PIKFYVE: variants seen among roughly 807,000 people sequenced by gnomAD.
PIKFYVE encodes 1-phosphatidylinositol 3-phosphate 5-kinase.
In PIKFYVE, 122 loss-of-function variants were observed where a neutral mutation model predicts 257.9. The observed-to-expected ratio is 0.47, with a 90% CI of 0.41 to 0.55. The LOEUF (loss-of-function observed/expected upper bound fraction) is 0.55, where lower values mean the gene tolerates loss of function less well. PIKFYVE is among the 20% of genes least tolerant of loss of function. The pLI is 0.00. For missense variants in PIKFYVE, 2,160 were observed against 2,536.6 expected (o/e 0.85, Z 3.19); for synonymous variants, 892 against 868.9 (o/e 1.03, Z -0.47).
At chr2:208,277,426 A>G in intron 4 of PIKFYVE, 111 bp from the exon 5 acceptor site, 1 of 1,197,890 alleles carries the variant, frequency 8.3e-7, no homozygotes, top group Non-Finnish European at 1.2e-6. Flanking sequence ...TCCCATATGA[A>G]TTTTTGAATT....
In PIKFYVE at chr2:208,315,381, C is replaced by T; in HGVS notation, c.2007+8C>T. On this transcript the variant is annotated splice_region_variant and intron_variant, in intron 15 of 41. Transcript: ENST00000264380. The stretch of plus-strand genomic sequence containing the variant: ...TTTGTCCACATCAAAAAAGTGAGCT[C>T]TGCTAATGTTTTACTAATGCTAGGA... 7 of 1,613,790 alleles carry T rather than the reference C, an allele frequency of 4.3e-6. No homozygotes were observed. Among genetic ancestry groups the T allele is most frequent in the Non-Finnish European group, 5.9e-6 (7 of 1,179,780 alleles).
rs552708917 is a variant in PIKFYVE at position 208,358,396 on chromosome 2, TTTG to T, written c.*3094_*3096del. ...AACCATCTAGTGCAATGTTTTTGTT[TTTG>T]TTTTTTTTTTGGTAACACAGGTGCA... On this transcript the variant is annotated 3_prime_UTR_variant, in exon 42 of 42. Coordinates refer to ENST00000264380, the MANE Select transcript of PIKFYVE (RefSeq NM_015040.4). The T allele has an allele frequency of 0.046, 971 of 20,990 alleles. 10 individuals carry two copies. The highest frequency in any genetic ancestry group is 0.06 in the African/African-American group (915 of 15,334). 1.3% of individuals were successfully genotyped at this position (20,990 alleles called of 1,614,324 possible).
At chr2:208,333,610 C>T (rs948515951) in intron 24 of PIKFYVE, 117 bp downstream of exon 24, 45 of 1,081,174 alleles carry the variant, frequency 4.2e-5, no homozygotes, top group Non-Finnish European at 5.7e-5. Context: ...CATTTATACC[C>T]TTATAAATGC....
In PIKFYVE at chr2:208,326,330, A is replaced by G; in HGVS notation, c.3519A>G (p.Ser1173=). 3.7e-6 allele frequency: 6 copies of G among 1,613,068 alleles called. No individual in the cohort carries two copies. Among genetic ancestry groups the G allele is most frequent in the Middle Eastern group, 3.3e-4 (2 of 6,052 alleles). ...AAAATTCAGACCCTTTTGCTCATTC[A>G]AAGGATGCATCAAGTACTTCAAGTG... The part of the protein sequence containing the change: ...QPKNSDPFAH[S]KDASSTSSGQ... The change falls in exon 20 of 42, where the codon TCA becomes TCG. Residue 1173 remains serine, a synonymous_variant. Transcript: ENST00000264380.
intron 7 of PIKFYVE, among the ~76,000 whole-genome samples, chr2:208,298,014 T>G (rs1468966860): frequency 6.6e-6 from 1 of 152,228 alleles, no homozygotes; most frequent in Non-Finnish European, 1.5e-5. Context: ...ATAGGTCTAC[T>G]AGTGAGAAGA....
In PIKFYVE at chr2:208,336,837, G is replaced by C. The variant is rs775800924; in HGVS notation, c.4521-1G>C. On this transcript the variant is annotated splice_acceptor_variant, in intron 27 of 41. Coordinates refer to ENST00000264380, the MANE Select transcript of PIKFYVE (RefSeq NM_015040.4). LOFTEE classifies it high-confidence loss of function. ...TATATATTTTTTGCTTTTGGCCACA[G>C]GTTGCAGGACCTTTTCCAACAGGAA... The C allele has an allele frequency of 6.2e-7, 1 of 1,611,494 alleles. No individual in the cohort carries two copies. Among genetic ancestry groups the C allele is most frequent in the Non-Finnish European group, 8.5e-7 (1 of 1,178,206 alleles).
chr2:208,321,570 C>CTTTTCTTTTCTTTTTT lies in PIKFYVE; in HGVS notation c.2190+1215_2190+1216insCTTTTCTTTTTTTTTT. ...AATACTTCTTTTTTCTTTTTCTTTT[C>CTTTTCTTTTCTTTTTT]TTTTGTTTTTTTTTTTTTTTTTTTG... On this transcript the variant is annotated intron_variant, in intron 17 of 41. Coordinates refer to ENST00000264380, the MANE Select transcript of PIKFYVE (RefSeq NM_015040.4). 2.8e-4 allele frequency among the ~76,000 whole-genome samples: 3 copies of CTTTTCTTTTCTTTTTT among 10,596 alleles called. 1 individual carries two copies. Among genetic ancestry groups the CTTTTCTTTTCTTTTTT allele is most frequent in the Non-Finnish European group, 5.6e-4 (1 of 1,796 alleles). The allele number at this position is 10,596 out of a possible 152,430, so 7.0% of individuals were successfully genotyped here.
chr2:208,341,343 T>C (rs1698683824), intron 31 of PIKFYVE, among the ~76,000 whole-genome samples: 1 of 152,118 alleles, frequency 6.6e-6, no homozygotes, highest in Non-Finnish European at 1.5e-5. Flanking sequence ...TTTGTTTCTC[T>C]TCTCTCTAAA....
chr2:208,304,123 T>G, intron 10 of PIKFYVE, 48 bp from the exon 11 acceptor site: 1 of 1,582,054 alleles, frequency 6.3e-7, no homozygotes, highest in Non-Finnish European at 8.7e-7. Context: ...GCCTCAACAT[T>G]GTTGCCATTG....
intron 37 of PIKFYVE, 37 bp downstream of exon 37, chr2:208,350,984 G>A: frequency 1.9e-6 from 3 of 1,611,344 alleles, no homozygotes; most frequent in Non-Finnish European, 2.5e-6. Context: ...TGGTTCAGTA[G>A]TCTTCATCTC....
chr2:208,276,662 T>C (rs1690145251), intron 3 of PIKFYVE, 50 bp from the exon 4 acceptor site: 2 of 1,319,814 alleles, frequency 1.5e-6, no homozygotes, highest in East Asian at 2.3e-5. Context: ...TTGTTGTATA[T>C]AGATACTAGG....
intron 31 of PIKFYVE, among the ~76,000 whole-genome samples, chr2:208,341,946 G>A (rs1486405921): frequency 2.6e-5 from 1 of 38,582 alleles, no homozygotes; most frequent in African/African-American, 5.6e-5. Context: ...TAAACCCTAT[G>A]GTGCCAATTT....
At chr2:208,339,608 A>G (rs908666909) in intron 30 of PIKFYVE, 53 bp downstream of exon 30, 5 of 1,593,816 alleles carry the variant, frequency 3.1e-6, no homozygotes, top group East Asian at 4.5e-5. Flanking sequence ...ACTGAAAGAT[A>G]TATCATTGAT....
chr2:208,348,908 A>G (rs1699495487), intron 35 of PIKFYVE, among the ~76,000 whole-genome samples: 1 of 152,096 alleles, frequency 6.6e-6, no homozygotes, highest in Non-Finnish European at 1.5e-5. Flanking sequence ...CAGTATGGTA[A>G]TCCCAGCACT....
intron 31 of PIKFYVE, among the ~76,000 whole-genome samples, chr2:208,342,136 G>A (rs968585304): frequency 6.6e-6 from 1 of 152,180 alleles, no homozygotes; most frequent in Non-Finnish European, 1.5e-5. Flanking sequence ...AATTTAAGTT[G>A]AAATGGAGCT....
Position 208,288,719 on chromosome 2 carries a change from T to C in PIKFYVE, c.822-10T>C, listed in dbSNP as rs1408244187. 6.2e-7 allele frequency: 1 copy of C among 1,613,832 alleles called. No homozygotes were observed. The highest frequency in any genetic ancestry group is 2.2e-5 in the East Asian group (1 of 44,826). ...TGAATTATTTCAGTATTTTCCTATTTTCTTTATAGTTTGATTCATCCAGAT... is the reference window on the plus strand; with the variant it reads ...TGAATTATTTCAGTATTTTCCTATTCTCTTTATAGTTTGATTCATCCAGAT... On this transcript the variant is annotated splice_polypyrimidine_tract_variant and intron_variant, in intron 6 of 41. Transcript: ENST00000264380.
At chr2:208,339,650 A>G (rs1698519469) in intron 30 of PIKFYVE, 95 bp downstream of exon 30, 2 of 1,471,178 alleles carry the variant, frequency 1.4e-6, no homozygotes. Context: ...CTCTAAGGAC[A>G]GATATTTGCT....
intron 35 of PIKFYVE, among the ~76,000 whole-genome samples, chr2:208,348,961 G>T (rs1240216228): frequency 6.6e-6 from 1 of 152,018 alleles, no homozygotes; most frequent in Non-Finnish European, 1.5e-5. Flanking sequence ...CTAGGAGTTG[G>T]AGATGAGCCT....
chr2:208,267,595 C>T (rs1412139301), intron 1 of PIKFYVE, among the ~76,000 whole-genome samples: 1 of 151,646 alleles, frequency 6.6e-6, no homozygotes, highest in African/African-American at 2.4e-5. Context: ...CAACCTCCGC[C>T]TCCCAGGGTT....
Sources: allele counts gnomAD v4.1 joint callset (sites outside exome capture counted in the v4.1 genomes callset), GRCh38; gene constraint gnomAD v4.1.1; transcripts MANE v1.5; gene names NCBI Gene and HGNC (gene_info 2026-07-23, HGNC 2026-07-21).